Variants in MON2 observed in about 807,000 individuals in gnomAD.
MON2 encodes the protein protein MON2 homolog.
MON2 carries 84 observed loss-of-function variants against 208.6 expected under a neutral mutation model. The ratio of observed to expected loss-of-function variants is 0.40; its 90% CI spans 0.34 to 0.48. The LOEUF (loss-of-function observed/expected upper bound fraction) is 0.48, where lower values mean the gene tolerates loss of function less well. MON2 is among the 20% of genes least tolerant of loss of function. The pLI is 0.59. For synonymous variants in MON2, 660 were observed against 694.0 expected, an observed-to-expected ratio of 0.95 and a Z score of 0.77; for missense variants, 1,611 against 2,015.4, an observed-to-expected ratio of 0.80 and a Z score of 3.84.
intron 3 of MON2, among the ~76,000 whole-genome samples, 199 bp from the exon 4 acceptor site, chr12:62,494,817 T>G (rs2070381986): frequency 6.6e-6 from 1 of 152,192 alleles, no homozygotes; most frequent in African/African-American, 2.4e-5. Context: ...GATATTACAA[T>G]TTTTGAGGGA....
chr12:62,543,776 T>A (rs1206292513), intron 20 of MON2, among the ~76,000 whole-genome samples: 2 of 152,068 alleles, frequency 1.3e-5, no homozygotes, highest in Non-Finnish European at 2.9e-5. Flanking sequence ...CCTGGCTTAT[T>A]TTTGTATTTG....
intron 3 of MON2, 75 bp downstream of exon 3, chr12:62,494,117 C>T: frequency 1.5e-6 from 2 of 1,291,828 alleles, no homozygotes; most frequent in Non-Finnish European, 2.1e-6. Flanking sequence ...ATGAAACATA[C>T]CTGATATTTA....
intron 1 of MON2, among the ~76,000 whole-genome samples, chr12:62,480,877 G>A (rs2069384964): frequency 6.6e-6 from 1 of 152,158 alleles, no homozygotes; most frequent in African/African-American, 2.4e-5. Flanking sequence ...CCTATGCAAG[G>A]TATATAGGGC....
In MON2 at chr12:62,599,605, A is replaced by T. The variant is rs942466568; in HGVS notation, c.*6856A>T. ...AATCCTCAAAGTAGCCTTGCAAAGA[A>T]GTTATTTTCATTTTACAGAAGAGTC... On this transcript the variant is annotated 3_prime_UTR_variant, in exon 35 of 35. Coordinates refer to ENST00000393630, the MANE Select transcript of MON2 (RefSeq NM_015026.3). 3 of 152,204 alleles carry T rather than the reference A, an allele frequency of 2.0e-5. No homozygotes were observed. Among genetic ancestry groups the T allele is most frequent in the African/African-American group, 7.2e-5 (3 of 41,446 alleles). 9.4% of individuals were successfully genotyped at this position (152,204 alleles called of 1,614,324 possible).
At position 62,543,185 on chromosome 12, in the gene MON2, G is replaced by T; in HGVS notation, c.2453G>T (p.Gly818Val). ...RIEILWRPLT[G>V]HLLEVCQHPN... ...GAAATTCTGTGGAGACCTCTGACTG[G>T]CCATCTACTTGAGGTAAATTCTCTT... Residue 818 changes from glycine to valine, a missense_variant, in exon 20 of 35, where the codon GGC (glycine) becomes GTC (valine). By Grantham distance (109) the Gly-to-Val change is moderately radical. Transcript: ENST00000393630. 6.5e-7 allele frequency: 1 copy of T among 1,529,068 alleles called. No individual in the cohort carries two copies. Among genetic ancestry groups the T allele is most frequent in the Non-Finnish European group, 8.8e-7 (1 of 1,136,018 alleles). The allele number at this position is 1,529,068 out of a possible 1,614,324, so 94.7% of individuals were successfully genotyped here.
chr12:62,526,692 A>T (rs2072347861), intron 11 of MON2, among the ~76,000 whole-genome samples: 1 of 152,154 alleles, frequency 6.6e-6, no homozygotes, highest in African/African-American at 2.4e-5. Context: ...ATACTCAATA[A>T]TGTATTACTG....
chr12:62,497,864 C>T (rs1027185664), intron 4 of MON2, among the ~76,000 whole-genome samples: 7 of 152,156 alleles, frequency 4.6e-5, no homozygotes, highest in African/African-American at 1.7e-4. Context: ...GAACTGCCCA[C>T]CTCAGCCTCC....
intron 2 of MON2, chr12:62,489,995 G>A (rs1323654336): frequency 1.1e-5 from 13 of 1,156,490 alleles, no homozygotes; most frequent in African/African-American, 1.6e-5. Context: ...CTGTTAATAT[G>A]ATTCATAGTG....
At chr12:62,529,737 T>C (rs2072527878) in intron 11 of MON2, among the ~76,000 whole-genome samples, 1 of 152,162 alleles carries the variant, frequency 6.6e-6, no homozygotes, top group Non-Finnish European at 1.5e-5. Context: ...TCTAGCTCCT[T>C]AGCAACCACT....
In MON2 at chr12:62,501,660, G is replaced by C; in HGVS notation, c.751G>C (p.Glu251Gln). The C allele has an allele frequency of 6.2e-7, 1 of 1,614,182 alleles. No individual in the cohort carries two copies. The highest frequency in any genetic ancestry group is 8.5e-7 in the Non-Finnish European group (1 of 1,180,006). ...MTRTFGLELL[E>Q]SVLNDFPQVF... ...TCGGACGTTTGGCCTCGAATTACTT[G>C]AGTCAGTCCTCAATGATTTTCCGCA... The change falls in exon 7 of 35, where the codon GAG becomes CAG. Residue 251 changes from glutamate (E) to glutamine (Q), a missense_variant. Coordinates refer to ENST00000393630, the MANE Select transcript of MON2 (RefSeq NM_015026.3).
At chr12:62,471,674 A>C (rs1415304514) in intron 1 of MON2, among the ~76,000 whole-genome samples, 1 of 152,178 alleles carries the variant, frequency 6.6e-6, no homozygotes, top group Non-Finnish European at 1.5e-5. Context: ...TAGAGTGAGA[A>C]TATCAGGACT....
intron 1 of MON2, among the ~76,000 whole-genome samples, chr12:62,475,001 T>C (rs1036621652): frequency 7.9e-5 from 12 of 152,226 alleles, no homozygotes; most frequent in Non-Finnish European, 1.6e-4. Flanking sequence ...ATAGCATACA[T>C]GACTTCAAAT....
rs534072039 is a variant in MON2 at position 62,490,343 on chromosome 12, G to T, written c.176-3572G>T. 1.6e-3 allele frequency among the ~76,000 whole-genome samples: 237 copies of T among 150,516 alleles called. 1 individual carries two copies. Among genetic ancestry groups the T allele is most frequent in the African/African-American group, 5.6e-3 (230 of 41,058 alleles). On this transcript the variant is annotated intron_variant, in intron 2 of 34. Coordinates refer to ENST00000393630, the MANE Select transcript of MON2 (RefSeq NM_015026.3). ...AGCTTTTTCTGTTTTTTTTTGTTTT[G>T]TTTTGTTTTTTTCTGGAATGACATA...
chr12:62,507,652 C>A (rs2136108549), intron 7 of MON2, among the ~76,000 whole-genome samples: 1 of 152,044 alleles, frequency 6.6e-6, no homozygotes, highest in Non-Finnish European at 1.5e-5. Flanking sequence ...TTTTTAATTA[C>A]CAGTGTCCAG....
chr12:62,552,832 T>A, intron 23 of MON2, 49 bp from the exon 24 acceptor site: 1 of 1,490,276 alleles, frequency 6.7e-7, no homozygotes. Context: ...ATTTATGTGT[T>A]TAAAACAAAA....
chr12:62,592,691 T>C lies in MON2; in HGVS notation c.5096T>C (p.Val1699Ala). 2 of 1,609,982 alleles carry C rather than the reference T, an allele frequency of 1.2e-6. No homozygotes were observed. The highest frequency in any genetic ancestry group is 1.7e-6 in the Non-Finnish European group (2 of 1,176,964). ...TGTTCTGCACTTAAAGAGGCACTAGTTCCTTTTAAGGATTTCATGCAGCCA... is the reference window on the plus strand; with the variant it reads ...TGTTCTGCACTTAAAGAGGCACTAGCTCCTTTTAAGGATTTCATGCAGCCA... ...EVCSALKEAL[V>A]PFKDFMQPPA... Residue 1699 changes from valine to alanine, a missense_variant, in exon 35 of 35, where the codon GTT becomes GCT. Transcript: ENST00000393630.
Position 62,552,263 on chromosome 12 carries a change from C to G in MON2, c.2917-618C>G, listed in dbSNP as rs377373445. On this transcript the variant is annotated intron_variant, in intron 23 of 34. Transcript: ENST00000393630. ...GTATTTTACTATTACTATTATTTTT[C>G]CCATTTTTACATGGGAAAAAATGTA... Among the ~76,000 whole-genome samples, 16 of 152,172 alleles carry G rather than the reference C, an allele frequency of 1.1e-4. No individual in the cohort carries two copies. In the East Asian group the frequency reaches 2.5e-3, roughly 24 times the overall value.
At chr12:62,538,529 T>G in intron 19 of MON2, 24 bp downstream of exon 19, 4 of 1,415,448 alleles carry the variant, frequency 2.8e-6, no homozygotes, top group Non-Finnish European at 4.0e-6. Context: ...CCTTTCTGTT[T>G]TAGATATGAT....
chr12:62,496,114 A>G (rs1435525513), intron 4 of MON2, among the ~76,000 whole-genome samples: 1 of 152,154 alleles, frequency 6.6e-6, no homozygotes, highest in Non-Finnish European at 1.5e-5. Flanking sequence ...TAAGCTGTGT[A>G]TACTATATCA....
Sources: gnomAD v4.1 joint callset for allele counts (sites outside exome capture counted in the v4.1 genomes callset) on GRCh38, gnomAD v4.1.1 for gene constraint, MANE v1.5 for transcripts, NCBI Gene and HGNC (gene_info 2026-07-23, HGNC 2026-07-21) for gene names.